CLASP1: variants seen among roughly 807,000 people sequenced by gnomAD.
CLASP1 encodes the protein cytoplasmic linker associated protein 1.
A neutral mutation model predicts 192.3 loss-of-function variants in CLASP1; 38 were observed. The observed-to-expected ratio is 0.20, with a 90% CI of 0.15 to 0.26. The LOEUF (loss-of-function observed/expected upper bound fraction) is 0.26. Ranked by LOEUF, CLASP1 falls within the 10% of genes least tolerant of loss-of-function variation. The pLI, the probability that CLASP1 is intolerant of heterozygous loss-of-function variation, is 1.00. For synonymous variants in CLASP1, 691 were observed against 712.8 expected, an observed-to-expected ratio of 0.97 and a Z score of 0.49; for missense variants, 1,433 against 1,932.5, an observed-to-expected ratio of 0.74 and a Z score of 4.85.
chr2:121,519,438 A>G (rs1392676842), intron 6 of CLASP1, among the ~76,000 whole-genome samples: 4 of 152,186 alleles, frequency 2.6e-5, no homozygotes, highest in African/African-American at 9.7e-5. Flanking sequence ...GGCCACCACC[A>G]CCCAGCCACA....
At chr2:121,546,760 C>A (rs1204031610) in intron 2 of CLASP1, among the ~76,000 whole-genome samples, 1 of 152,184 alleles carries the variant, frequency 6.6e-6, no homozygotes, top group Non-Finnish European at 1.5e-5. Context: ...GCAAAAGGAG[C>A]TGCAATTCCA....
At chr2:121,361,280 G>A (rs1484623350) in intron 37 of CLASP1, among the ~76,000 whole-genome samples, 1 of 152,242 alleles carries the variant, frequency 6.6e-6, no homozygotes, top group Admixed American at 6.5e-5. Context: ...AGCACAGGTT[G>A]TGCCACTGCA....
exon 38 of CLASP1, chr2:121,348,643 A>G (rs1364819465): frequency 6.2e-7 from 1 of 1,613,840 alleles, no homozygotes; most frequent in African/African-American, 1.3e-5. Context: ...ATGATGGGGC[A>G]GAGCACCTTG....
intron 8 of CLASP1, among the ~76,000 whole-genome samples, chr2:121,478,741 C>CCCACACACACA (rs1420805908): frequency 0.028 from 1,423 of 51,284 alleles, 43 homozygotes; most frequent in East Asian, 0.089. Flanking sequence ...ACACACACAC[C>CCCACACACACA]CCACACACAC....
At chr2:121,338,704 T>C (rs1014096659) in exon 40 of CLASP1, 2 of 152,172 alleles carry the variant, frequency 1.3e-5, no homozygotes. Flanking sequence ...GACTGAAGAC[T>C]GGGCGAGTGA....
chr2:121,509,674 C>G (rs934992902), intron 7 of CLASP1, among the ~76,000 whole-genome samples: 1 of 152,074 alleles, frequency 6.6e-6, no homozygotes, highest in Non-Finnish European at 1.5e-5. Flanking sequence ...CTCGTCTCTA[C>G]TAAAATTACA....
intron 1 of CLASP1, among the ~76,000 whole-genome samples, chr2:121,624,406 TTTC>T (rs538144745): frequency 1.3e-3 from 205 of 152,216 alleles, no homozygotes; most frequent in African/African-American, 4.9e-3. Context: ...CAGGGGTTTT[TTTC>T]TTCTTCTTCT....
chr2:121,365,295 A>T lies in CLASP1; in HGVS notation c.3887-11T>A. 6.2e-7 allele frequency: 1 copy of T among 1,608,522 alleles called. No individual in the cohort carries two copies. On this transcript the variant is annotated splice_polypyrimidine_tract_variant and intron_variant, in intron 35 of 39. Coordinates refer to ENST00000263710, the Ensembl canonical transcript of CLASP1. ...AATGGTCGATGGGCACTGGTGAAAC[A>T]CACCAGACATACGTCACCTCGTGAG...
At chr2:121,607,346 G>A (rs1474027396) in intron 1 of CLASP1, among the ~76,000 whole-genome samples, 1 of 152,140 alleles carries the variant, frequency 6.6e-6, no homozygotes, top group Non-Finnish European at 1.5e-5. Flanking sequence ...CTCAAAAAAA[G>A]AGAAAGGAAA....
chr2:121,479,057 CACA>C lies in CLASP1; in HGVS notation c.713-9100_713-9098del, dbSNP rs148776292. On this transcript the variant is annotated intron_variant, in intron 8 of 39. Transcript: ENST00000263710. ...CCCACACACACACACACCCCCCCCC[CACA>C]CACACACACACACACCATCAACAAC... 2.8e-4 allele frequency among the ~76,000 whole-genome samples: 23 copies of C among 82,510 alleles called. 1 individual carries two copies. Among genetic ancestry groups the C allele is most frequent in the Admixed American group, 8.1e-4 (7 of 8,608 alleles). The allele number at this position is 82,510 out of a possible 152,430, so 54.1% of individuals were successfully genotyped here.
At chr2:121,396,057 C>T (rs149993012) in intron 30 of CLASP1, among the ~76,000 whole-genome samples, 82 of 152,364 alleles carry the variant, frequency 5.4e-4, no homozygotes, top group African/African-American at 1.9e-3. Flanking sequence ...AGTGTCTACG[C>T]TCTGCCCTAT....
At chr2:121,586,333 G>T (rs2105667575) in intron 2 of CLASP1, among the ~76,000 whole-genome samples, 2 of 152,042 alleles carry the variant, frequency 1.3e-5, no homozygotes, top group East Asian at 3.9e-4. Context: ...CACCGTGTTG[G>T]CCAGGCTGGT....
At chr2:121,434,308 G>A (rs775274195) in intron 19 of CLASP1, among the ~76,000 whole-genome samples, 6 of 152,154 alleles carry the variant, frequency 3.9e-5, no homozygotes, top group Non-Finnish European at 5.9e-5. Flanking sequence ...CTAGGCTGGA[G>A]TGGAATGGTG....
At chr2:121,346,302 G>A (rs2063446879) in intron 39 of CLASP1, among the ~76,000 whole-genome samples, 1 of 152,208 alleles carries the variant, frequency 6.6e-6, no homozygotes, top group African/African-American at 2.4e-5. Flanking sequence ...CCTTCACCAT[G>A]CCTCTCCTGC....
At chr2:121,546,011 C>T (rs967866118) in intron 2 of CLASP1, among the ~76,000 whole-genome samples, 6 of 152,132 alleles carry the variant, frequency 3.9e-5, no homozygotes, top group African/African-American at 1.4e-4. Context: ...GTATGGCATG[C>T]TTTACATGCA....
chr2:121,407,855 T>C (rs770362958), intron 24 of CLASP1, 140 bp from the exon 26 acceptor site: 13 of 1,013,462 alleles, frequency 1.3e-5, no homozygotes, highest in Admixed American at 8.4e-5. Flanking sequence ...CCTGTGCTTA[T>C]AGATTAGGGA....
rs780395960 is a variant in CLASP1 at position 121,531,007 on chromosome 2, A to G, written c.196-682T>C. 38 of 700,154 alleles carry G rather than the reference A, an allele frequency of 5.4e-5. No individual in the cohort carries two copies. Among genetic ancestry groups the G allele is most frequent in the South Asian group, 1.6e-4 (11 of 67,508 alleles). The allele number at this position is 700,154 out of a possible 1,614,324, so 43.4% of individuals were successfully genotyped here. On this transcript the variant is annotated intron_variant, in intron 2 of 39. Transcript: ENST00000263710. ...TTTATTTTGGTGCAATTTTTGGAAA[A>G]ATGAAAACCTGTTTTCATAGACTTA...
chr2:121,398,832 T>G (rs543328550), intron 28 of CLASP1, among the ~76,000 whole-genome samples: 1 of 152,342 alleles, frequency 6.6e-6, no homozygotes, highest in Admixed American at 6.5e-5. Context: ...ATCATCCTCC[T>G]TGGTCCTGGT....
At chr2:121,581,105 G>C (rs1399239384) in intron 2 of CLASP1, among the ~76,000 whole-genome samples, 1 of 151,956 alleles carries the variant, frequency 6.6e-6, no homozygotes, top group African/African-American at 2.4e-5. Flanking sequence ...TTTTGGTAAT[G>C]GCTATCTTAT....
Sources: allele counts gnomAD v4.1 joint callset (sites outside exome capture counted in the v4.1 genomes callset), GRCh38; gene constraint gnomAD v4.1.1; transcripts MANE v1.5; gene names NCBI Gene and HGNC (gene_info 2026-07-23, HGNC 2026-07-21).